PTPRT: variants seen among roughly 807,000 people sequenced by gnomAD.
PTPRT encodes the protein receptor-type tyrosine-protein phosphatase T.
A neutral mutation model predicts 176.8 loss-of-function variants in PTPRT; 56 were observed. The ratio of observed to expected loss-of-function variants is 0.32; its 90% CI spans 0.26 to 0.40. PTPRT has a LOEUF of 0.40. PTPRT is among the 10% of genes least tolerant of loss of function. PTPRT has a pLI of 1.00. For synonymous variants in PTPRT, 783 were observed against 739.0 expected (o/e 1.06, Z -0.96); for missense variants, 1,540 against 1,908.2 (o/e 0.81, Z 3.60).
In PTPRT at chr20:43,158,944, G is replaced by A. The variant is rs574469538; in HGVS notation, c.88+30702C>T. Among the ~76,000 whole-genome samples the A allele has an allele frequency of 3.2e-4, 48 of 152,248 alleles. No homozygotes were observed. In the Middle Eastern group the frequency reaches 0.02, roughly 65 times the overall value. The stretch of plus-strand genomic sequence containing the variant: ...GCACAGCACCTGGGACATAGTAACC[G>A]CTCAGTAAAAATCAGCAAAATGACT... On this transcript the variant is annotated intron_variant, in intron 1 of 30. Transcript: ENST00000373187.
At position 42,633,813 on chromosome 20, in the gene PTPRT, ATAT is replaced by A. The variant is rs1451799352; in HGVS notation, c.1153+44050_1153+44052del. On this transcript the variant is annotated intron_variant, in intron 7 of 30. Coordinates refer to ENST00000373187, the MANE Select transcript of PTPRT (RefSeq NM_007050.6). The stretch of plus-strand genomic sequence containing the variant: ...TATATATATATATATATATATATAT[ATAT>A]ATAATAAAATATTAATATATTATAA... Among the ~76,000 whole-genome samples the A allele has an allele frequency of 1.0e-3, 86 of 84,532 alleles. 3 individuals carry two copies. Among genetic ancestry groups the A allele is most frequent in the Non-Finnish European group, 1.5e-3 (71 of 47,734 alleles). The allele number at this position is 84,532 out of a possible 152,430, so 55.5% of individuals were successfully genotyped here. A position where few individuals can be genotyped will look rare whatever the true frequency, so the allele number is the denominator to read the frequency against.
intron 7 of PTPRT, among the ~76,000 whole-genome samples, chr20:42,535,427 A>G (rs1336709478): frequency 6.6e-6 from 1 of 152,170 alleles, no homozygotes; most frequent in Non-Finnish European, 1.5e-5. Context: ...TGTAATATGC[A>G]GTTTACCTAT....
chr20:42,770,280 G>A (rs938139656), intron 5 of PTPRT, among the ~76,000 whole-genome samples: 8 of 151,962 alleles, frequency 5.3e-5, no homozygotes, highest in East Asian at 1.9e-4. Context: ...TCGCCACCAC[G>A]CCCAGCTAAT....
intron 9 of PTPRT, among the ~76,000 whole-genome samples, chr20:42,386,340 A>G (rs1164559322): frequency 1.3e-5 from 2 of 151,380 alleles, no homozygotes; most frequent in Non-Finnish European, 2.9e-5. Context: ...AAACTGTCCC[A>G]GGAGTTTAAA....
intron 1 of PTPRT, among the ~76,000 whole-genome samples, chr20:43,125,599 A>G (rs2013409284): frequency 6.6e-6 from 1 of 152,214 alleles, no homozygotes; most frequent in Non-Finnish European, 1.5e-5. Flanking sequence ...TTGATGTGAT[A>G]AATGCTAGCA....
intron 14 of PTPRT, among the ~76,000 whole-genome samples, chr20:42,242,799 C>A (rs2056379237): frequency 6.6e-6 from 1 of 152,190 alleles, no homozygotes; most frequent in Non-Finnish European, 1.5e-5. Flanking sequence ...TAGACATGTA[C>A]TTCTTCCCTC....
chr20:42,363,463 T>A (rs1600895642), intron 9 of PTPRT, among the ~76,000 whole-genome samples: 1 of 150,578 alleles, frequency 6.6e-6, no homozygotes, highest in Non-Finnish European at 1.5e-5. Context: ...GGCATGCACC[T>A]CCACCCCTGG....
chr20:42,278,226 G>A (rs1486168851), intron 13 of PTPRT, among the ~76,000 whole-genome samples: 1 of 148,746 alleles, frequency 6.7e-6, no homozygotes, highest in Admixed American at 6.7e-5. Context: ...GGTCAGGATG[G>A]TCTTCTGAGG....
intron 15 of PTPRT, among the ~76,000 whole-genome samples, chr20:42,225,986 T>C (rs1039125163): frequency 1.3e-5 from 2 of 152,348 alleles, no homozygotes; most frequent in East Asian, 3.9e-4. Context: ...ACATCTGGCA[T>C]CTACTTTATA....
chr20:42,080,729 C>A lies in PTPRT; in HGVS notation c.*150G>T, dbSNP rs544167826. ...AGGAGACCCCTCAGAAGGTGCAGAG[C>A]CCCCCGTGGAACACAGGGCCACCAG... On this transcript the variant is annotated 3_prime_UTR_variant, in exon 31 of 31. Transcript: ENST00000373187. The A allele has an allele frequency of 2.9e-6, 2 of 684,980 alleles. No individual in the cohort carries two copies. Among genetic ancestry groups the A allele is most frequent in the South Asian group, 3.6e-5 (2 of 55,948 alleles). The allele number at this position is 684,980 out of a possible 1,614,324, so 42.4% of individuals were successfully genotyped here.
intron 1 of PTPRT, among the ~76,000 whole-genome samples, chr20:42,995,377 G>A (rs1984165778): frequency 6.6e-6 from 1 of 152,164 alleles, no homozygotes; most frequent in Non-Finnish European, 1.5e-5. Flanking sequence ...AAGGGGAAGA[G>A]CATCAGAGCT....
chr20:43,184,268 G>C (rs2015334541), intron 1 of PTPRT, among the ~76,000 whole-genome samples: 1 of 152,156 alleles, frequency 6.6e-6, no homozygotes, highest in Non-Finnish European at 1.5e-5. Context: ...CCACACTGGG[G>C]GACTGCTTCA....
At chr20:42,853,043 G>A (rs1371547828) in intron 2 of PTPRT, among the ~76,000 whole-genome samples, 1 of 152,220 alleles carries the variant, frequency 6.6e-6, no homozygotes, top group Non-Finnish European at 1.5e-5. Flanking sequence ...TGAAGCAACA[G>A]CTTTGCTGCA....
chr20:42,487,361 G>GCA (rs1399565124), intron 7 of PTPRT, among the ~76,000 whole-genome samples: 3 of 152,180 alleles, frequency 2.0e-5, no homozygotes, highest in Admixed American at 1.3e-4. Context: ...CCACATCCCT[G>GCA]CACACACACC....
intron 1 of PTPRT, among the ~76,000 whole-genome samples, chr20:42,950,908 A>T (rs1351031433): frequency 6.6e-6 from 1 of 152,206 alleles, no homozygotes; most frequent in Non-Finnish European, 1.5e-5. Flanking sequence ...TGAAGGTCCA[A>T]ATTTTGAGGC....
intron 16 of PTPRT, among the ~76,000 whole-genome samples, chr20:42,167,598 A>G (rs1317095611): frequency 1.3e-5 from 2 of 152,164 alleles, no homozygotes; most frequent in Non-Finnish European, 1.5e-5. Context: ...ATGAAGAGTG[A>G]TGTGTAAGTA....
At chr20:42,681,760 T>G (rs933878561) in intron 6 of PTPRT, among the ~76,000 whole-genome samples, 2 of 152,080 alleles carry the variant, frequency 1.3e-5, no homozygotes, top group African/African-American at 4.8e-5. Context: ...AAGGAGGGCA[T>G]TCGAGAATAG....
chr20:42,056,799 G>A, the PTPRT span, among the ~76,000 whole-genome samples: 1 of 152,192 alleles, frequency 6.6e-6, no homozygotes, highest in Admixed American at 6.5e-5. Flanking sequence ...GCATAATCTG[G>A]GGCTGTCTTA....
intron 6 of PTPRT, among the ~76,000 whole-genome samples, chr20:42,740,327 A>G (rs2076589807): frequency 6.6e-6 from 1 of 152,192 alleles, no homozygotes; most frequent in Non-Finnish European, 1.5e-5. Flanking sequence ...TCCATGCCAG[A>G]GCATTCCAGG....
Sources: gnomAD v4.1 joint callset for allele counts (sites outside exome capture counted in the v4.1 genomes callset) on GRCh38, gnomAD v4.1.1 for gene constraint, MANE v1.5 for transcripts, NCBI Gene and HGNC (gene_info 2026-07-23, HGNC 2026-07-21) for gene names.